The following PNLIPRP3 variants were observed in gnomAD, a reference collection of about 807,000 sequenced individuals.
PNLIPRP3 encodes pancreatic lipase-related protein 3.
PNLIPRP3 carries 58 observed loss-of-function variants against 52.8 expected under a neutral mutation model. The ratio of observed to expected loss-of-function variants is 1.10; its 90% CI spans 0.89 to 1.37. PNLIPRP3 has a LOEUF of 1.37. Among genes scored for constraint, PNLIPRP3 ranks in the 40% most tolerant of loss-of-function variants. PNLIPRP3 has a pLI of 0.00. For missense variants in PNLIPRP3, 593 were observed against 561.6 expected, an observed-to-expected ratio of 1.06 and a Z score of -0.57; for synonymous variants, 192 against 185.0, an observed-to-expected ratio of 1.04 and a Z score of -0.31.
intron 3 of PNLIPRP3, 64 bp from the exon 4 acceptor site, chr10:116,444,318 G>A (rs1845910358): frequency 7.2e-7 from 1 of 1,385,360 alleles, no homozygotes; most frequent in Admixed American, 2.3e-5. Context: ...GGAATCAAGT[G>A]TTGAGACACG....
chr10:116,475,276 C>T (rs755540080), intron 10 of PNLIPRP3, among the ~76,000 whole-genome samples: 3 of 151,988 alleles, frequency 2.0e-5, no homozygotes, highest in Non-Finnish European at 2.9e-5. Flanking sequence ...CACACCAGGA[C>T]CTATCAGAGG....
intron 10 of PNLIPRP3, among the ~76,000 whole-genome samples, chr10:116,473,897 T>A (rs1428871829): frequency 6.7e-6 from 1 of 149,726 alleles, no homozygotes; most frequent in Non-Finnish European, 1.5e-5. Context: ...TAAACTACCA[T>A]TGAGTTTCTT....
intron 1 of PNLIPRP3, among the ~76,000 whole-genome samples, chr10:116,428,968 T>C (rs540037028): frequency 1.8e-4 from 27 of 152,078 alleles, no homozygotes; most frequent in Non-Finnish European, 3.2e-4. Flanking sequence ...TTTAAACAAG[T>C]ACTTAACCTT....
At chr10:116,463,349 G>A (rs1220176256) in intron 7 of PNLIPRP3, among the ~76,000 whole-genome samples, 2 of 152,204 alleles carry the variant, frequency 1.3e-5, no homozygotes, top group Non-Finnish European at 2.9e-5. Flanking sequence ...TAAGCTGGAT[G>A]AGGAGGTCTG....
At chr10:116,468,429 C>T (rs1009218492) in intron 8 of PNLIPRP3, among the ~76,000 whole-genome samples, 1 of 152,118 alleles carries the variant, frequency 6.6e-6, no homozygotes, top group East Asian at 1.9e-4. Context: ...ATAAATGAAA[C>T]ACAAAAACAT....
At chr10:116,461,402 C>A in intron 7 of PNLIPRP3, 112 bp downstream of exon 7, 4 of 1,296,300 alleles carry the variant, frequency 3.1e-6, no homozygotes, top group Non-Finnish European at 4.2e-6. Flanking sequence ...TATTTTCTCT[C>A]AAAACACAGT....
At chr10:116,452,191 T>C (rs1846049812) in intron 4 of PNLIPRP3, among the ~76,000 whole-genome samples, 2 of 152,168 alleles carry the variant, frequency 1.3e-5, no homozygotes, top group African/African-American at 4.8e-5. Flanking sequence ...GAGTAATGAC[T>C]TCAGGTATCT....
intron 2 of PNLIPRP3, chr10:116,440,016 G>T: frequency 1.3e-6 from 1 of 767,232 alleles, no homozygotes; most frequent in South Asian, 1.3e-5. Context: ...ACATCTTGCC[G>T]TTTGGTTTCT....
At chr10:116,462,964 A>G (rs1009562618) in intron 7 of PNLIPRP3, among the ~76,000 whole-genome samples, 2 of 152,174 alleles carry the variant, frequency 1.3e-5, no homozygotes, top group East Asian at 1.9e-4. Flanking sequence ...TTTTACTTAA[A>G]TTTATTACTA....
At chr10:116,447,656 C>T (rs1845972110) in intron 4 of PNLIPRP3, among the ~76,000 whole-genome samples, 1 of 152,158 alleles carries the variant, frequency 6.6e-6, no homozygotes, top group African/African-American at 2.4e-5. Flanking sequence ...TAATTGAAGG[C>T]TGAGCGTGGT....
chr10:116,435,553 A>G (rs966216225), intron 1 of PNLIPRP3, among the ~76,000 whole-genome samples: 4 of 152,008 alleles, frequency 2.6e-5, no homozygotes, highest in Non-Finnish European at 5.9e-5. Context: ...TTGAGCTGTT[A>G]TCTCTCGGCT....
rs754637003 is a variant in PNLIPRP3 at position 116,427,973 on chromosome 10, C to T, written c.-40C>T. The T allele has an allele frequency of 6.6e-7, 1 of 1,521,216 alleles. No individual in the cohort carries two copies. Among genetic ancestry groups the T allele is most frequent in the Non-Finnish European group, 9.1e-7 (1 of 1,098,604 alleles). 94.2% of individuals were successfully genotyped at this position (1,521,216 alleles called of 1,614,324 possible). On this transcript the variant is annotated 5_prime_UTR_variant, in exon 1 of 12. Transcript: ENST00000369230. ...GTGAGGTGACTTTACAAGTAAAGAT[C>T]TTCAAGAAGATTTTTATGTGATTTA... is the stretch of plus-strand genomic sequence containing the variant.
At chr10:116,439,733 C>G in intron 2 of PNLIPRP3, 1 of 770,188 alleles carries the variant, frequency 1.3e-6, no homozygotes, top group Non-Finnish European at 2.4e-6. Context: ...GCGCAGAATT[C>G]TGAACAGAAC....
intron 11 of PNLIPRP3, 95 bp from the exon 12 acceptor site, chr10:116,476,995 A>G (rs761278009): frequency 8.1e-7 from 1 of 1,230,792 alleles, no homozygotes; most frequent in Admixed American, 2.4e-5. Context: ...GTGTTAGAAA[A>G]TAAGAATTAC....
chr10:116,456,167 G>A (rs1329399881), intron 5 of PNLIPRP3, among the ~76,000 whole-genome samples: 1 of 152,170 alleles, frequency 6.6e-6, no homozygotes, highest in Non-Finnish European at 1.5e-5. Context: ...GGAGTAGAAT[G>A]GTGGTTATGA....
At position 116,433,114 on chromosome 10, in the gene PNLIPRP3, C is replaced by CAAAAAAAAAAAAAAAAAAAAAAAA; in HGVS notation, c.50-3588_50-3565dup. On this transcript the variant is annotated intron_variant, in intron 1 of 11. Coordinates refer to ENST00000369230, the MANE Select transcript of PNLIPRP3 (RefSeq NM_001011709.3). ...GAGCAACAAGAGTAAAACTCCATCT[C>CAAAAAAAAAAAAAAAAAAAAAAAA]AAAAAAAAAAAAAAAAAAAAAAAAA... is the stretch of plus-strand genomic sequence containing the variant. Among the ~76,000 whole-genome samples, 2 of 8,494 alleles carry CAAAAAAAAAAAAAAAAAAAAAAAA rather than the reference C, an allele frequency of 2.4e-4. 1 individual carries two copies. The highest frequency in any genetic ancestry group is 3.7e-4 in the Non-Finnish European group (2 of 5,360). 5.6% of individuals were successfully genotyped at this position (8,494 alleles called of 152,430 possible). A position where few individuals can be genotyped will look rare whatever the true frequency, so the allele number is the denominator to read the frequency against.
At chr10:116,442,082 G>A (rs992841128) in intron 2 of PNLIPRP3, among the ~76,000 whole-genome samples, 1 of 152,116 alleles carries the variant, frequency 6.6e-6, no homozygotes, top group Non-Finnish European at 1.5e-5. Context: ...GTTGCTTCCA[G>A]GTTATAGGAT....
intron 3 of PNLIPRP3, 56 bp downstream of exon 3, chr10:116,443,230 G>T (rs1269340248): frequency 9.1e-6 from 14 of 1,536,078 alleles, no homozygotes; most frequent in Non-Finnish European, 1.2e-5. Flanking sequence ...TGTTTAACAT[G>T]AATGTACTTT....
intron 10 of PNLIPRP3, among the ~76,000 whole-genome samples, chr10:116,475,873 C>T (rs1846455085): frequency 6.6e-6 from 1 of 152,142 alleles, no homozygotes. Flanking sequence ...CATTTACTAA[C>T]TATAGTTTAA....
Sources: allele counts gnomAD v4.1 joint callset (sites outside exome capture counted in the v4.1 genomes callset), GRCh38; gene constraint gnomAD v4.1.1; transcripts MANE v1.5; gene names NCBI Gene and HGNC (gene_info 2026-07-23, HGNC 2026-07-21).